The following FHIT variants were observed in gnomAD, a reference collection of about 807,000 sequenced individuals.
The protein encoded by FHIT is bis(5'-adenosyl)-triphosphatase.
A neutral mutation model predicts 17.9 loss-of-function variants in FHIT; 19 were observed. The observed-to-expected ratio is 1.06, with a 90% CI of 0.74 to 1.56. The LOEUF (loss-of-function observed/expected upper bound fraction) is 1.56. Among genes scored for constraint, FHIT ranks in the 40% most tolerant of loss-of-function variants. The probability of loss-of-function intolerance (pLI) is 0.00; values close to 1 mark genes in which losing one functional copy is unlikely to be tolerated. For missense variants in FHIT, 248 were observed against 189.2 expected (o/e 1.31, Z -1.82); for synonymous variants, 81 against 69.7 (o/e 1.16, Z -0.81).
intron 4 of FHIT, among the ~76,000 whole-genome samples, chr3:60,561,068 C>T (rs1412095225): frequency 2.6e-5 from 4 of 151,926 alleles, no homozygotes; most frequent in Non-Finnish European, 4.4e-5. Context: ...TCATTCATTG[C>T]ACTTTTCCAT....
At chr3:61,099,038 T>G (rs1358817892) in intron 2 of FHIT, among the ~76,000 whole-genome samples, 1 of 152,236 alleles carries the variant, frequency 6.6e-6, no homozygotes, top group Non-Finnish European at 1.5e-5. Flanking sequence ...CCATTTAGTA[T>G]GATGTTGGCT....
At chr3:60,413,573 G>T (rs999080893) in intron 5 of FHIT, among the ~76,000 whole-genome samples, 2 of 152,138 alleles carry the variant, frequency 1.3e-5, no homozygotes, top group African/African-American at 4.8e-5. Context: ...TGTCTCTTCT[G>T]AAATGGAAAT....
intron 8 of FHIT, among the ~76,000 whole-genome samples, chr3:59,897,257 T>C (rs1704112124): frequency 6.6e-6 from 1 of 152,242 alleles, no homozygotes; most frequent in Non-Finnish European, 1.5e-5. Context: ...TTAATGTTAA[T>C]TAACTTAAAT....
intron 5 of FHIT, among the ~76,000 whole-genome samples, chr3:60,497,891 C>A (rs1461867149): frequency 6.6e-6 from 1 of 152,180 alleles, no homozygotes; most frequent in Admixed American, 6.5e-5. Context: ...ACTTTGAGAT[C>A]AACCAGTGCA....
intron 5 of FHIT, among the ~76,000 whole-genome samples, chr3:60,170,514 C>A (rs753294815): frequency 2.0e-5 from 3 of 152,054 alleles, no homozygotes; most frequent in Non-Finnish European, 4.4e-5. Flanking sequence ...ACCAAATGGA[C>A]CATGTTTTGC....
intron 5 of FHIT, among the ~76,000 whole-genome samples, chr3:60,086,104 T>C (rs549472126): frequency 1.3e-5 from 2 of 152,282 alleles, no homozygotes; most frequent in Admixed American, 6.5e-5. Flanking sequence ...ATGGAAGCCA[T>C]TGTATGCACA....
rs200934161 is a variant in FHIT, at chr3:60,226,493, A to AAAAAAAAAAAAC, written c.104-212342_104-212341insGTTTTTTTTTTT. Among the ~76,000 whole-genome samples, 696 of 146,908 alleles carry AAAAAAAAAAAAC rather than the reference A, an allele frequency of 4.7e-3. 22 individuals are homozygous for AAAAAAAAAAAAC. Among genetic ancestry groups the AAAAAAAAAAAAC allele is most frequent in the African/African-American group, 0.018 (658 of 37,548 alleles). On this transcript the variant is annotated intron_variant, in intron 5 of 9. Transcript: ENST00000492590. ...GTCTCAAAAAAAAAAAAAAAAAAAA[A>AAAAAAAAAAAAC]ACACTGCCTGCCTGCACTATACTAA...
chr3:61,201,915 C>A lies in FHIT; in HGVS notation c.-212-1250G>T, dbSNP rs898151503. On this transcript the variant is annotated intron_variant, in intron 1 of 9. Coordinates refer to ENST00000492590, the MANE Select transcript of FHIT (RefSeq NM_002012.4). Reference sequence around the variant, plus strand: ...AAACACAGAAATGCTAAACAAAATACAATAATGACTTAAAATACATATATG... The same window carrying A: ...AAACACAGAAATGCTAAACAAAATAAAATAATGACTTAAAATACATATATG... 3.3e-5 allele frequency among the ~76,000 whole-genome samples: 5 copies of A among 151,920 alleles called. No individual in the cohort carries two copies. In the East Asian group the frequency reaches 7.7e-4, roughly 23 times the overall value.
intron 3 of FHIT, among the ~76,000 whole-genome samples, chr3:60,910,410 CT>C (rs539012384): frequency 0.039 from 5,350 of 138,038 alleles, 323 homozygotes; most frequent in African/African-American, 0.13. Context: ...GTCTTTCTCT[CT>C]TTTTTTTTTT....
intron 5 of FHIT, among the ~76,000 whole-genome samples, chr3:60,481,510 G>C (rs376089074): frequency 6.6e-4 from 101 of 152,252 alleles, no homozygotes; most frequent in African/African-American, 2.2e-3. Context: ...AAGAGACTGG[G>C]GGCCAATATT....
At chr3:60,899,758 C>T (rs1706010832) in intron 3 of FHIT, among the ~76,000 whole-genome samples, 1 of 152,126 alleles carries the variant, frequency 6.6e-6, no homozygotes, top group Admixed American at 6.5e-5. Context: ...CTCAGGGATA[C>T]ATCTTTGTGA....
intron 4 of FHIT, among the ~76,000 whole-genome samples, chr3:60,711,938 C>T (rs1553705236): frequency 6.6e-6 from 1 of 152,088 alleles, no homozygotes. Context: ...CAAAGATACT[C>T]CTCAAGAAGA....
At chr3:59,870,620 G>C (rs1278957593) in intron 8 of FHIT, among the ~76,000 whole-genome samples, 6 of 152,196 alleles carry the variant, frequency 3.9e-5, no homozygotes. Context: ...AAGGAAGGAA[G>C]AACCTGCAAG....
intron 5 of FHIT, among the ~76,000 whole-genome samples, chr3:60,229,472 C>T (rs1367178111): frequency 6.7e-6 from 1 of 149,972 alleles, no homozygotes; most frequent in Non-Finnish European, 1.5e-5. Flanking sequence ...GAAAAGAAAG[C>T]AAGCCATTAC....
At chr3:59,889,232 G>A (rs1354597741) in intron 8 of FHIT, among the ~76,000 whole-genome samples, 1 of 152,106 alleles carries the variant, frequency 6.6e-6, no homozygotes, top group Non-Finnish European at 1.5e-5. Context: ...AATAAAAATG[G>A]GACTAGACAC....
At chr3:61,235,422 T>C (rs1341231595) in intron 1 of FHIT, among the ~76,000 whole-genome samples, 2 of 151,930 alleles carry the variant, frequency 1.3e-5, no homozygotes, top group East Asian at 3.8e-4. Flanking sequence ...CATAGTAATC[T>C]AATTTAAAAA....
chr3:60,826,856 A>G (rs1347329144), intron 3 of FHIT, among the ~76,000 whole-genome samples: 1 of 152,148 alleles, frequency 6.6e-6, no homozygotes, highest in Admixed American at 6.5e-5. Context: ...TTAAAAGCAC[A>G]TTGCAATTTT....
chr3:60,911,371 G>GCACACACACA (rs35183064), intron 3 of FHIT, among the ~76,000 whole-genome samples: 17 of 148,954 alleles, frequency 1.1e-4, no homozygotes, highest in Non-Finnish European at 1.6e-4. Context: ...TTCTTTGCAT[G>GCACACACACA]CACACACACA....
intron 2 of FHIT, among the ~76,000 whole-genome samples, chr3:61,088,938 G>A (rs901685175): frequency 6.6e-6 from 1 of 152,158 alleles, no homozygotes; most frequent in African/African-American, 2.4e-5. Context: ...GAGAGTCATG[G>A]ACATTGGGGA....
Sources: allele counts gnomAD v4.1 joint callset (sites outside exome capture counted in the v4.1 genomes callset), GRCh38; gene constraint gnomAD v4.1.1; transcripts MANE v1.5; gene names NCBI Gene and HGNC (gene_info 2026-07-23, HGNC 2026-07-21).